Variants in ADGRB3 observed in about 807,000 individuals in gnomAD.
ADGRB3 encodes brain-specific angiogenesis inhibitor 3.
In ADGRB3, 37 loss-of-function variants were observed where a neutral mutation model predicts 193.4. The observed-to-expected ratio is 0.19, with a 90% CI of 0.15 to 0.25. The LOEUF (loss-of-function observed/expected upper bound fraction) is 0.25. Among genes scored for constraint, ADGRB3 ranks in the 10% least tolerant of loss-of-function variants. The probability of loss-of-function intolerance (pLI) is 1.00; values close to 1 mark genes in which losing one functional copy is unlikely to be tolerated. For missense variants in ADGRB3, 1,637 were observed against 1,852.9 expected (o/e 0.88, Z 2.14); for synonymous variants, 690 against 644.2 (o/e 1.07, Z -1.08).
At chr6:68,958,177 C>T (rs1365436860) in intron 8 of ADGRB3, among the ~76,000 whole-genome samples, 4 of 151,324 alleles carry the variant, frequency 2.6e-5, no homozygotes, top group East Asian at 1.9e-4. Context: ...CTGCAGCCTG[C>T]GTGACAGAGC....
At chr6:69,202,224 G>A (rs1035068508) in intron 17 of ADGRB3, among the ~76,000 whole-genome samples, 12 of 152,190 alleles carry the variant, frequency 7.9e-5, no homozygotes, top group African/African-American at 2.6e-4. Flanking sequence ...GATGTTTTAG[G>A]TTTCCATTTG....
chr6:69,065,758 T>TACACACACACACACAC (rs1491430136), intron 16 of ADGRB3, among the ~76,000 whole-genome samples: 1 of 102,772 alleles, frequency 9.7e-6, no homozygotes, highest in Non-Finnish European at 2.1e-5. Context: ...ACTTCATGTA[T>TACACACACACACACAC]ATATATACAC....
At chr6:69,181,019 C>T (rs1353597302) in intron 17 of ADGRB3, among the ~76,000 whole-genome samples, 1 of 152,182 alleles carries the variant, frequency 6.6e-6, no homozygotes, top group Non-Finnish European at 1.5e-5. Context: ...AACGTACTCC[C>T]TCAGCCTACT....
At chr6:68,936,046 A>G (rs1582328592) in intron 4 of ADGRB3, among the ~76,000 whole-genome samples, 1 of 152,168 alleles carries the variant, frequency 6.6e-6, no homozygotes, top group African/African-American at 2.4e-5. Flanking sequence ...GATGCGTCCA[A>G]GCTCCCAGGT....
intron 12 of ADGRB3, among the ~76,000 whole-genome samples, chr6:69,017,410 C>T (rs1317066205): frequency 1.3e-5 from 2 of 151,892 alleles, no homozygotes; most frequent in Non-Finnish European, 2.9e-5. Flanking sequence ...AACCTGACTT[C>T]AAAAGATTTT....
chr6:69,361,901 G>A (rs981236568), intron 29 of ADGRB3, among the ~76,000 whole-genome samples: 1 of 151,878 alleles, frequency 6.6e-6, no homozygotes, highest in African/African-American at 2.4e-5. Flanking sequence ...GGTGCACAGT[G>A]TCTACGTGGC....
chr6:68,700,611 A>G (rs1561998709), intron 3 of ADGRB3, among the ~76,000 whole-genome samples: 1 of 151,868 alleles, frequency 6.6e-6, no homozygotes, highest in Non-Finnish European at 1.5e-5. Context: ...ACAAATAGAA[A>G]CCCCTTTACA....
At chr6:69,138,461 G>A (rs1326978787) in intron 17 of ADGRB3, among the ~76,000 whole-genome samples, 1 of 152,116 alleles carries the variant, frequency 6.6e-6, no homozygotes, top group Non-Finnish European at 1.5e-5. Context: ...GTGTTCAAGT[G>A]TTCACCATAG....
At chr6:69,130,597 T>A in intron 17 of ADGRB3, among the ~76,000 whole-genome samples, 1 of 150,998 alleles carries the variant, frequency 6.6e-6, no homozygotes, top group Non-Finnish European at 1.5e-5. Flanking sequence ...CTGGGCTCCT[T>A]TTTTTTCCTC....
At chr6:69,062,126 G>A (rs1462081830) in intron 15 of ADGRB3, among the ~76,000 whole-genome samples, 3 of 151,896 alleles carry the variant, frequency 2.0e-5, no homozygotes, top group Non-Finnish European at 4.4e-5. Flanking sequence ...ACACTCAAGT[G>A]TGTTATGAGT....
intron 3 of ADGRB3, among the ~76,000 whole-genome samples, chr6:68,780,843 C>A (rs760949078): frequency 6.6e-6 from 1 of 152,122 alleles, no homozygotes; most frequent in Non-Finnish European, 1.5e-5. Flanking sequence ...GTCAGTGGTA[C>A]ACATCTATTA....
intron 17 of ADGRB3, among the ~76,000 whole-genome samples, chr6:69,196,942 T>G (rs146703697): frequency 6.6e-6 from 1 of 152,248 alleles, no homozygotes; most frequent in East Asian, 1.9e-4. Context: ...GCAGGCAAGT[T>G]ATTTTACCTC....
intron 5 of ADGRB3, among the ~76,000 whole-genome samples, chr6:68,942,635 G>A (rs983971368): frequency 6.6e-6 from 1 of 151,880 alleles, no homozygotes; most frequent in Non-Finnish European, 1.5e-5. Flanking sequence ...TTGGAAGATG[G>A]AGTCTTGCTG....
At chr6:69,386,462 C>T (rs996564185) in intron 31 of ADGRB3, among the ~76,000 whole-genome samples, 2 of 152,040 alleles carry the variant, frequency 1.3e-5, no homozygotes, top group African/African-American at 2.4e-5. Flanking sequence ...CAGTAGAATT[C>T]GAACCAGTGA....
intron 29 of ADGRB3, among the ~76,000 whole-genome samples, chr6:69,368,068 C>T (rs1010020826): frequency 1.2e-4 from 18 of 151,604 alleles, no homozygotes; most frequent in Non-Finnish European, 2.5e-4. Flanking sequence ...ATGGGTGCAG[C>T]GCACCAGCAT....
At position 69,168,180 on chromosome 6, in the gene ADGRB3, G is replaced by A. The variant is rs1371307626; in HGVS notation, c.2481-65110G>A. Among the ~76,000 whole-genome samples the A allele has an allele frequency of 3.3e-5, 5 of 152,036 alleles. No individual in the cohort carries two copies. In the South Asian group the frequency reaches 6.2e-4, roughly 19 times the overall value. ...TAGAATCTAATAAATTATAAGAGTC[G>A]ATGCCTACCAAGGAAAGTTACTTAA... On this transcript the variant is annotated intron_variant, in intron 17 of 31. Transcript: ENST00000370598.
intron 6 of ADGRB3, among the ~76,000 whole-genome samples, chr6:68,950,564 A>G (rs1484274525): frequency 1.3e-5 from 2 of 152,310 alleles, no homozygotes; most frequent in East Asian, 3.9e-4. Context: ...ATTTTGATTT[A>G]AGGGCTATAG....
At chr6:68,699,125 C>T (rs1008625669) in intron 3 of ADGRB3, among the ~76,000 whole-genome samples, 1 of 152,096 alleles carries the variant, frequency 6.6e-6, no homozygotes, top group Non-Finnish European at 1.5e-5. Flanking sequence ...TTGTGAAACA[C>T]CCACTTCTAC....
chr6:69,383,342 G>A (rs553446568), intron 31 of ADGRB3, among the ~76,000 whole-genome samples: 2 of 152,062 alleles, frequency 1.3e-5, no homozygotes, highest in African/African-American at 4.8e-5. Context: ...AAACCAGAGT[G>A]ATAGATTTTT....
Sources: allele counts gnomAD v4.1 joint callset (sites outside exome capture counted in the v4.1 genomes callset), GRCh38; gene constraint gnomAD v4.1.1; transcripts MANE v1.5; gene names NCBI Gene and HGNC (gene_info 2026-07-23, HGNC 2026-07-21).